The following MYO1E variants were observed in gnomAD, a reference collection of about 807,000 sequenced individuals.
MYO1E encodes unconventional myosin-Ie.
In MYO1E, 68 loss-of-function variants were observed where a neutral mutation model predicts 151.1. The ratio of observed to expected loss-of-function variants is 0.45; its 90% CI spans 0.37 to 0.55. The LOEUF is 0.55. Among genes scored for constraint, MYO1E ranks in the 20% least tolerant of loss-of-function variants. MYO1E has a pLI of 0.00. For synonymous variants in MYO1E, 601 were observed against 501.7 expected (o/e 1.20, Z -2.64); for missense variants, 1,363 against 1,389.3 (o/e 0.98, Z 0.30).
chr15:59,152,893 G>A (rs1159556287), intron 26 of MYO1E, among the ~76,000 whole-genome samples: 1 of 152,148 alleles, frequency 6.6e-6, no homozygotes, highest in African/African-American at 2.4e-5. Flanking sequence ...TCATATTTGG[G>A]TTGCTACGTT....
chr15:59,174,160 C>T lies in MYO1E; in HGVS notation c.2130G>A (p.Val710=), dbSNP rs114132435. ...RVIQKSWRKF[V]ARKKYVQMRE... ...TCATTTGAACGTATTTCTTCCGGGC[C>T]ACGAATTTCCTCCATGATTTCTGTA... Residue 710 remains valine, a synonymous_variant, in exon 20 of 28, where the codon GTG becomes GTA. Transcript: ENST00000288235. 1.8e-3 allele frequency: 2,827 copies of T among 1,613,982 alleles called. 53 individuals carry two copies. In the African/African-American group the frequency reaches 0.031, roughly 18 times the overall value.
At position 59,178,396 on chromosome 15, in the gene MYO1E, C is replaced by T. The variant is rs199906506; in HGVS notation, c.2046G>A (p.Glu682=). ...GRSKVFIKAP[E]SLFLLEEMRE... ...GGAGAGCCAGCCAAGCACTCACAGA[C>T]TCGGGGGCTTTGATGAACACTTTAC... The change falls in exon 19 of 28, where the codon GAG becomes GAA. Residue 682 remains glutamate (E), a synonymous_variant. Coordinates refer to ENST00000288235, the MANE Select transcript of MYO1E (RefSeq NM_004998.4). 1.2e-6 allele frequency: 2 copies of T among 1,614,198 alleles called. No individual in the cohort carries two copies. The highest frequency in any genetic ancestry group is 8.5e-7 in the Non-Finnish European group (1 of 1,180,020).
rs115543977 is a variant in MYO1E, at chr15:59,263,950, G to A, written c.148-2441C>T. Among the ~76,000 whole-genome samples the A allele has an allele frequency of 2.7e-3, 412 of 152,228 alleles. 1 individual carries two copies. Among genetic ancestry groups the A allele is most frequent in the African/African-American group, 8.9e-3 (371 of 41,538 alleles). ...AAGCAGGTAAGACGTCCATGATGCCGTAGCCAAGACTCAATAAGGCGTCAT... is the reference window on the plus strand; with the variant it reads ...AAGCAGGTAAGACGTCCATGATGCCATAGCCAAGACTCAATAAGGCGTCAT... On this transcript the variant is annotated intron_variant, in intron 2 of 27. Coordinates refer to ENST00000288235, the MANE Select transcript of MYO1E (RefSeq NM_004998.4).
chr15:59,228,116 A>C (rs2080003121), intron 6 of MYO1E, among the ~76,000 whole-genome samples: 1 of 152,228 alleles, frequency 6.6e-6, no homozygotes, highest in Admixed American at 6.5e-5. Context: ...ATTCCTCTTT[A>C]AATGACTGCT....
At chr15:59,266,402 C>T (rs764424103) in intron 2 of MYO1E, among the ~76,000 whole-genome samples, 4 of 152,130 alleles carry the variant, frequency 2.6e-5, no homozygotes, top group Non-Finnish European at 5.9e-5. Flanking sequence ...CTCTGGGAGA[C>T]AGAAGAAACC....
chr15:59,331,507 G>C (rs560707116), intron 1 of MYO1E, among the ~76,000 whole-genome samples: 17 of 152,030 alleles, frequency 1.1e-4, no homozygotes, highest in Non-Finnish European at 2.1e-4. Context: ...ATATACAAAC[G>C]GCAAGAAAAA....
chr15:59,325,742 G>A (rs1248646941), intron 1 of MYO1E, among the ~76,000 whole-genome samples: 1 of 152,184 alleles, frequency 6.6e-6, no homozygotes, highest in Non-Finnish European at 1.5e-5. Context: ...GGGGAATACT[G>A]CTGTGCTTGG....
chr15:59,251,524 T>C (rs2080164986), intron 4 of MYO1E, among the ~76,000 whole-genome samples: 1 of 152,164 alleles, frequency 6.6e-6, no homozygotes, highest in Admixed American at 6.5e-5. Flanking sequence ...GTTTGAAGTT[T>C]TTAGATGATG....
At chr15:59,231,593 T>G in intron 6 of MYO1E, 109 bp downstream of exon 6, 1 of 1,180,034 alleles carries the variant, frequency 8.5e-7, no homozygotes, top group Non-Finnish European at 1.3e-6. Flanking sequence ...AGAGGTGGCC[T>G]CCTGATGATA....
chr15:59,292,107 T>C (rs2080423161), intron 1 of MYO1E, among the ~76,000 whole-genome samples: 1 of 152,158 alleles, frequency 6.6e-6, no homozygotes, highest in East Asian at 1.9e-4. Context: ...GTTAAGTAAA[T>C]TTTGTTTGGT....
At chr15:59,169,655 C>A (rs1596349766) in intron 22 of MYO1E, among the ~76,000 whole-genome samples, 1 of 152,194 alleles carries the variant, frequency 6.6e-6, no homozygotes, top group Admixed American at 6.5e-5. Context: ...AGAAAGGAAC[C>A]TTCCAGATAA....
At chr15:59,211,290 A>G (rs1202808682) in intron 12 of MYO1E, among the ~76,000 whole-genome samples, 1 of 151,868 alleles carries the variant, frequency 6.6e-6, no homozygotes, top group Non-Finnish European at 1.5e-5. Context: ...TGAGTTGCTC[A>G]TTTAACTTGA....
At chr15:59,142,920 C>CAAAA (rs10717979) in intron 26 of MYO1E, among the ~76,000 whole-genome samples, 6 of 87,224 alleles carry the variant, frequency 6.9e-5, no homozygotes, top group South Asian at 4.5e-4. Context: ...TAATTAGGTG[C>CAAAA]AAAAAAAAAA....
chr15:59,372,573 G>C lies in MYO1E; in HGVS notation c.-73C>G. The C allele has an allele frequency of 3.3e-6, 5 of 1,519,798 alleles. No individual in the cohort carries two copies. The highest frequency in any genetic ancestry group is 1.8e-6 in the Non-Finnish European group (2 of 1,132,188). 94.1% of individuals were successfully genotyped at this position (1,519,798 alleles called of 1,614,324 possible). A position where few individuals can be genotyped will look rare whatever the true frequency, so the allele number is the denominator to read the frequency against. Reference sequence around the variant, plus strand: ...AACTGGGGCTGGAACGCAGTCTTCTGGGCGAACTTCAAAAGTTGGTTCCCC... The same window carrying C: ...AACTGGGGCTGGAACGCAGTCTTCTCGGCGAACTTCAAAAGTTGGTTCCCC... On this transcript the variant is annotated 5_prime_UTR_variant, in exon 1 of 28. Coordinates refer to ENST00000288235, the MANE Select transcript of MYO1E (RefSeq NM_004998.4).
chr15:59,317,295 G>A (rs2080595194), intron 1 of MYO1E, among the ~76,000 whole-genome samples: 1 of 152,198 alleles, frequency 6.6e-6, no homozygotes, highest in African/African-American at 2.4e-5. Context: ...GATAAGAGCT[G>A]TGTATGCTAA....
At chr15:59,173,704 G>A (rs2079608456) in intron 21 of MYO1E, 42 bp downstream of exon 21, 2 of 1,605,124 alleles carry the variant, frequency 1.2e-6, no homozygotes, top group East Asian at 4.5e-5. Context: ...AAAAAATAAG[G>A]AATCTGTTTG....
At chr15:59,297,437 A>AT (rs755470049) in intron 1 of MYO1E, among the ~76,000 whole-genome samples, 6,909 of 63,460 alleles carry the variant, frequency 0.11, 807 homozygotes, top group Non-Finnish European at 0.16. Context: ...CACCCAGCTA[A>AT]TTTTTTTTTT....
rs1468729977 is a variant in MYO1E at position 59,135,092 on chromosome 15, C to T, written c.*2288G>A. ...AGCATCTCTACGCAGATCTAAGTCT[C>T]CTTCCCCTGTGGGTCACTTACCTAT... On this transcript the variant is annotated 3_prime_UTR_variant, in exon 28 of 28. Coordinates refer to ENST00000288235, the MANE Select transcript of MYO1E (RefSeq NM_004998.4). 6.6e-6 allele frequency: 1 copy of T among 152,192 alleles called. No homozygotes were observed. The highest frequency in any genetic ancestry group is 2.4e-5 in the African/African-American group (1 of 41,436). 9.4% of individuals were successfully genotyped at this position (152,192 alleles called of 1,614,324 possible). A position where few individuals can be genotyped will look rare whatever the true frequency, so the allele number is the denominator to read the frequency against.
In MYO1E at chr15:59,138,175, C is replaced by T. The variant is rs372202277; in HGVS notation, c.3250+23G>A. 8.1e-6 allele frequency: 13 copies of T among 1,613,328 alleles called. No individual in the cohort carries two copies. In the African/African-American group the frequency reaches 1.6e-4, roughly 20 times the overall value. On this transcript the variant is annotated intron_variant, in intron 27 of 27. Transcript: ENST00000288235. ...CTGCATGCTCTTTGGGAGGCTGTCC[C>T]AGCCAACCAGCCACACACTTACCTT...
Sources: allele counts gnomAD v4.1 joint callset (sites outside exome capture counted in the v4.1 genomes callset), GRCh38; gene constraint gnomAD v4.1.1; transcripts MANE v1.5; gene names NCBI Gene and HGNC (gene_info 2026-07-23, HGNC 2026-07-21).